The following SEC13 variants were observed in gnomAD, a reference collection of about 807,000 sequenced individuals.
SEC13 encodes the protein protein SEC13 homolog.
A neutral mutation model predicts 49.2 loss-of-function variants in SEC13; 25 were observed. The observed-to-expected ratio is 0.51, with a 90% CI of 0.37 to 0.71. SEC13 has a LOEUF of 0.71. Ranked by LOEUF, SEC13 falls within the 30% of genes least tolerant of loss-of-function variation. The pLI is 0.00. For missense variants in SEC13, 383 were observed against 417.6 expected (o/e 0.92, Z 0.72); for synonymous variants, 148 against 163.9 (o/e 0.90, Z 0.74).
At chr3:10,309,955 G>A (rs1470830467) in intron 5 of SEC13, among the ~76,000 whole-genome samples, 1 of 152,066 alleles carries the variant, frequency 6.6e-6, no homozygotes, top group Non-Finnish European at 1.5e-5. Context: ...TTCCTTTCCT[G>A]TGTCCCTATC....
At chr3:10,317,167 C>T (rs1048768225) in intron 2 of SEC13, among the ~76,000 whole-genome samples, 7 of 152,136 alleles carry the variant, frequency 4.6e-5, no homozygotes, top group African/African-American at 1.7e-4. Flanking sequence ...GAGGCTGGCT[C>T]AGAAAAGTTA....
Position 10,312,058 on chromosome 3 carries a change from G to C in SEC13, c.357C>G (p.Ile119Met), listed in dbSNP as rs780302816. The C allele has an allele frequency of 2.5e-6, 4 of 1,612,362 alleles. No homozygotes were observed. The highest frequency in any genetic ancestry group is 3.4e-6 in the Non-Finnish European group (4 of 1,179,230). The part of the protein sequence containing the change: ...VCWAPHDYGL[I>M]LACGSSDGAI... ...CCCCATCCGAGCTCCCACAGGCCAG[G>C]ATCAGGCCGTAGTCATGGGGGGCCC... Residue 119 changes from isoleucine to methionine, a missense_variant, in exon 5 of 9, where the codon ATC becomes ATG. Transcript: ENST00000350697.
Position 10,318,030 on chromosome 3 carries a change from A to G in SEC13, c.48+20T>C. ...TGCCCATGTCCACACCCCTCCAGGG[A>G]GGGTGATATTAATACTTACAATCAT... On this transcript the variant is annotated intron_variant, in intron 2 of 8. Coordinates refer to ENST00000350697, the MANE Select transcript of SEC13 (RefSeq NM_183352.3). 3.2e-6 allele frequency: 5 copies of G among 1,571,920 alleles called. No individual in the cohort carries two copies. The highest frequency in any genetic ancestry group is 4.4e-6 in the Non-Finnish European group (5 of 1,142,714).
chr3:10,304,102 T>C lies in SEC13; in HGVS notation c.779A>G (p.Lys260Arg). The C allele has an allele frequency of 3.1e-6, 5 of 1,614,210 alleles. No individual in the cohort carries two copies. Among genetic ancestry groups the C allele is most frequent in the Non-Finnish European group, 4.2e-6 (5 of 1,180,028 alleles). ...CACATGCCACACCACATCGTTGAAC[T>C]TGTGCAACAATTTAGGGGACCACGT... is the stretch of plus-strand genomic sequence containing the variant. ...SNTWSPKLLHKFNDVVWHVSW... is the reference protein window; with the variant it reads ...SNTWSPKLLHRFNDVVWHVSW... The change falls in exon 8 of 9, where the codon AAG (lysine) becomes AGG (arginine). Residue 260 changes from lysine to arginine, a missense_variant. Transcript: ENST00000350697.
In SEC13 at chr3:10,319,185, A is replaced by C. The variant is rs1322346437; in HGVS notation, c.4-1091T>G. Reference sequence around the variant, plus strand: ...TCCAGCACAAGCCCTGTAGGTATAAAGTTTGACTTGTGATTTCAGAAAGGC... The same window carrying C: ...TCCAGCACAAGCCCTGTAGGTATAACGTTTGACTTGTGATTTCAGAAAGGC... On this transcript the variant is annotated intron_variant, in intron 1 of 8. Transcript: ENST00000350697. 6 of 1,613,782 alleles carry C rather than the reference A, an allele frequency of 3.7e-6. No individual in the cohort carries two copies. The African/African-American group carries it at 6.7e-5, about 18-fold the overall frequency.
chr3:10,305,072 G>A lies in SEC13; in HGVS notation c.669C>T (p.Ser223=), dbSNP rs773739942. ...CGATGGTGCTGGTGGGCAGGCCGATGGAGGGGGCCCAGGCCACATCTCGAA... is the reference window on the plus strand; with the variant it reads ...CGATGGTGCTGGTGGGCAGGCCGATAGAGGGGGCCCAGGCCACATCTCGAA... ...DWVRDVAWAP[S]IGLPTSTIAS... The change falls in exon 7 of 9, where the codon TCC becomes TCT. Residue 223 remains serine, a synonymous_variant. Coordinates refer to ENST00000350697, the MANE Select transcript of SEC13 (RefSeq NM_183352.3). 6.2e-7 allele frequency: 1 copy of A among 1,614,200 alleles called. No homozygotes were observed. Among genetic ancestry groups the A allele is most frequent in the East Asian group, 2.2e-5 (1 of 44,884 alleles).
In SEC13 at chr3:10,315,320, C is replaced by T. The variant is rs1375347607; in HGVS notation, c.164+1G>A. The T allele has an allele frequency of 6.2e-7, 1 of 1,608,692 alleles. No individual in the cohort carries two copies. Reference sequence around the variant, plus strand: ...CCTTCCCTGGGCTCGCCAGCACTTACCCCCTGAGGTCGGCGATAAGGATCT... The same window carrying T: ...CCTTCCCTGGGCTCGCCAGCACTTATCCCCTGAGGTCGGCGATAAGGATCT... On this transcript the variant is annotated splice_donor_variant, in intron 3 of 8. Transcript: ENST00000350697. LOFTEE classifies it high-confidence loss of function.
chr3:10,305,803 A>G, intron 5 of SEC13, 111 bp from the exon 6 acceptor site: 2 of 1,195,896 alleles, frequency 1.7e-6, no homozygotes, highest in Non-Finnish European at 2.4e-6. Flanking sequence ...GTGTGTGTGA[A>G]GGCTGACATG....
intron 3 of SEC13, among the ~76,000 whole-genome samples, chr3:10,314,145 CA>C (rs1701458946): frequency 6.6e-6 from 1 of 151,868 alleles, no homozygotes; most frequent in Non-Finnish European, 1.5e-5. Context: ...AGAAGGGTTT[CA>C]CCCTGTCATC....
Position 10,301,136 on chromosome 3 carries a change from C to A in SEC13, c.*125G>T. 2 of 1,613,890 alleles carry A rather than the reference C, an allele frequency of 1.2e-6. No individual in the cohort carries two copies. Among genetic ancestry groups the A allele is most frequent in the South Asian group, 1.1e-5 (1 of 91,084 alleles). On this transcript the variant is annotated 3_prime_UTR_variant, in exon 9 of 9. Transcript: ENST00000350697. ...GCAGATGATCAATCTGTGGCTGCAT[C>A]TGTAACTCCTCCTGGGAAAATAATC...
intron 8 of SEC13, 85 bp from the exon 9 acceptor site, chr3:10,301,459 G>C: frequency 6.4e-7 from 1 of 1,551,594 alleles, no homozygotes; most frequent in Non-Finnish European, 8.8e-7. Context: ...TCCTCATCAA[G>C]AACCACTGCC....
intron 1 of SEC13, chr3:10,319,091 G>GA (rs762007751): frequency 2.0e-6 from 3 of 1,520,960 alleles, no homozygotes; most frequent in Middle Eastern, 1.7e-4. Context: ...TCTTGGGATA[G>GA]AAAAGAGGAC....
At chr3:10,311,853 C>A (rs1553637291) in intron 5 of SEC13, 112 bp downstream of exon 5, 5 of 1,598,992 alleles carry the variant, frequency 3.1e-6, no homozygotes, top group Non-Finnish European at 4.3e-6. Flanking sequence ...GCTGACCACT[C>A]CCCGGCCCAC....
At chr3:10,306,935 G>A (rs189303374) in intron 5 of SEC13, among the ~76,000 whole-genome samples, 39 of 152,250 alleles carry the variant, frequency 2.6e-4, no homozygotes, top group East Asian at 1.5e-3. Context: ...TGCCAGCAGC[G>A]AGAAAACAGA....
chr3:10,305,741 T>C, intron 5 of SEC13, 49 bp from the exon 6 acceptor site: 1 of 1,609,008 alleles, frequency 6.2e-7, no homozygotes, highest in South Asian at 1.1e-5. Context: ...AGAACACTGC[T>C]TCTGCAGACC....
intron 4 of SEC13, 63 bp from the exon 5 acceptor site, chr3:10,312,161 C>T: frequency 1.3e-6 from 2 of 1,517,274 alleles, no homozygotes; most frequent in East Asian, 2.5e-5. Flanking sequence ...GTCCCGCCTT[C>T]CACAGATTTA....
intron 8 of SEC13, among the ~76,000 whole-genome samples, chr3:10,301,887 G>A (rs1163533826): frequency 6.6e-6 from 1 of 152,150 alleles, no homozygotes; most frequent in African/African-American, 2.4e-5. Context: ...AACTGTATAA[G>A]AAATAGCTAA....
chr3:10,321,042 A>G lies in SEC13; in HGVS notation c.3+8T>C. On this transcript the variant is annotated splice_region_variant and intron_variant, in intron 1 of 8. Coordinates refer to ENST00000350697, the MANE Select transcript of SEC13 (RefSeq NM_183352.3). This position sits in a 1 kb window ranked among gnomAD's most constrained non-coding sequence, Gnocchi z 4.1. Reference sequence around the variant, plus strand: ...ACCCTGCTAGGCCTCCTCAGTACCAACACTCACCATGATTGCGGCGGTGGC... The same window carrying G: ...ACCCTGCTAGGCCTCCTCAGTACCAGCACTCACCATGATTGCGGCGGTGGC... 6.2e-7 allele frequency: 1 copy of G among 1,613,154 alleles called. No homozygotes were observed. The highest frequency in any genetic ancestry group is 2.2e-5 in the East Asian group (1 of 44,790).
intron 3 of SEC13, 26 bp from the exon 4 acceptor site, chr3:10,312,756 G>C (rs760526881): frequency 6.2e-7 from 1 of 1,613,408 alleles, no homozygotes; most frequent in Non-Finnish European, 8.5e-7. Context: ...TAGGCCAGAG[G>C]AACCCACAGT....
Sources: gnomAD v4.1 joint callset for allele counts (sites outside exome capture counted in the v4.1 genomes callset) on GRCh38, gnomAD v4.1.1 for gene constraint, Gnocchi (gnomAD v3.1) non-coding constraint, MANE v1.5 for transcripts, NCBI Gene and HGNC (gene_info 2026-07-23, HGNC 2026-07-21) for gene names.